Variants in FGF14 observed in about 807,000 individuals in gnomAD.
FGF14 encodes the protein fibroblast growth factor homologous factor 4.
A neutral mutation model predicts 25.5 loss-of-function variants in FGF14; 5 were observed. The ratio of observed to expected loss-of-function variants is 0.20; its 90% confidence interval spans 0.10 to 0.41. The LOEUF is 0.41. Among genes scored for constraint, FGF14 ranks in the 10% least tolerant of loss-of-function variants. The probability of loss-of-function intolerance (pLI) is 1.00; values close to 1 mark genes in which losing one functional copy is unlikely to be tolerated. For synonymous variants in FGF14, 138 were observed against 118.3 expected, an observed-to-expected ratio of 1.17 and a Z score of -1.08; for missense variants, 222 against 320.1, an observed-to-expected ratio of 0.69 and a Z score of 2.34.
At chr13:102,076,965 A>C (rs1260622280) in intron 1 of FGF14, among the ~76,000 whole-genome samples, 1 of 152,192 alleles carries the variant, frequency 6.6e-6, no homozygotes, top group African/African-American at 2.4e-5. Context: ...AATATAGAGC[A>C]TAGAAATAAA....
intron 1 of FGF14, among the ~76,000 whole-genome samples, chr13:101,897,825 C>T (rs1181240477): frequency 6.6e-6 from 1 of 152,176 alleles, no homozygotes; most frequent in Non-Finnish European, 1.5e-5. Flanking sequence ...ACTTCTTGAA[C>T]ACTGACATGA....
At chr13:101,751,366 TAA>T (rs2037262180) in intron 3 of FGF14, among the ~76,000 whole-genome samples, 1 of 152,146 alleles carries the variant, frequency 6.6e-6, no homozygotes, top group Non-Finnish European at 1.5e-5. Flanking sequence ...AAACTGCTTT[TAA>T]AAGTTTATTA....
intron 1 of FGF14, among the ~76,000 whole-genome samples, chr13:102,023,659 C>T (rs1158348750): frequency 6.6e-6 from 1 of 151,988 alleles, no homozygotes; most frequent in Non-Finnish European, 1.5e-5. Context: ...ATGAATTTGC[C>T]AATACTGGGC....
At chr13:101,908,535 C>A (rs2032525356) in intron 1 of FGF14, among the ~76,000 whole-genome samples, 1 of 151,840 alleles carries the variant, frequency 6.6e-6, no homozygotes. Flanking sequence ...AATAATTATC[C>A]AATTATTGGA....
intron 1 of FGF14, among the ~76,000 whole-genome samples, chr13:102,061,168 T>C (rs954366729): frequency 6.6e-6 from 1 of 152,178 alleles, no homozygotes; most frequent in African/African-American, 2.4e-5. Context: ...TGTGACCCGA[T>C]TTTTCCAGTA....
At chr13:101,947,637 A>T (rs1052014799) in intron 1 of FGF14, among the ~76,000 whole-genome samples, 1 of 152,210 alleles carries the variant, frequency 6.6e-6, no homozygotes, top group Non-Finnish European at 1.5e-5. Context: ...CTAACCATTG[A>T]GTACACATGG....
At chr13:101,826,544 A>C (rs1268027517) in intron 3 of FGF14, among the ~76,000 whole-genome samples, 2 of 152,050 alleles carry the variant, frequency 1.3e-5, no homozygotes. Flanking sequence ...TTTTCGTAAA[A>C]ATGTAGTATG....
At chr13:102,016,388 C>A (rs1594999274) in intron 1 of FGF14, among the ~76,000 whole-genome samples, 1 of 151,698 alleles carries the variant, frequency 6.6e-6, no homozygotes, top group African/African-American at 2.4e-5. Flanking sequence ...TTAAACAAGG[C>A]CACTTAGAAC....
At chr13:102,206,750 C>T (rs2049944437) in intron 1 of FGF14, among the ~76,000 whole-genome samples, 1 of 152,106 alleles carries the variant, frequency 6.6e-6, no homozygotes, top group Admixed American at 6.5e-5. Context: ...GATGAAAGAA[C>T]TGAGTGTGAA....
rs550200011 is a variant in FGF14 at position 101,877,875 on chromosome 13, T to C, written c.194-2579A>G. On this transcript the variant is annotated intron_variant, in intron 1 of 4. Coordinates refer to ENST00000376143, the MANE Select transcript of FGF14 (RefSeq NM_004115.4). ...AAAATTGCTAGTTCAGTACTATAAG[T>C]TTAAAACAAATGGGTTGCTCAATTC... Among the ~76,000 whole-genome samples, 6 of 152,294 alleles carry C rather than the reference T, an allele frequency of 3.9e-5. No individual in the cohort carries two copies. The South Asian group carries it at 1.2e-3, about 32-fold the overall frequency.
intron 1 of FGF14, among the ~76,000 whole-genome samples, chr13:101,885,865 C>T (rs1346655867): frequency 2.0e-5 from 3 of 152,160 alleles, no homozygotes; most frequent in Non-Finnish European, 4.4e-5. Flanking sequence ...AAATACCACA[C>T]TCAGGAACAC....
intron 3 of FGF14, among the ~76,000 whole-genome samples, chr13:101,812,900 CAG>C (rs1188074330): frequency 1.3e-5 from 2 of 151,730 alleles, no homozygotes; most frequent in Non-Finnish European, 2.9e-5. Context: ...CTCCTGACCT[CAG>C]GTGATCCACC....
chr13:101,843,887 C>T (rs1306771177), intron 3 of FGF14, among the ~76,000 whole-genome samples: 2 of 151,934 alleles, frequency 1.3e-5, no homozygotes, highest in Non-Finnish European at 2.9e-5. Context: ...ATGAGACCTA[C>T]AAATAGAACA....
intron 1 of FGF14, among the ~76,000 whole-genome samples, chr13:102,134,599 T>C (rs2140427072): frequency 6.6e-6 from 1 of 152,328 alleles, no homozygotes; most frequent in Admixed American, 6.5e-5. Context: ...AAGGTCACTG[T>C]GTAAACTGAC....
intron 1 of FGF14, among the ~76,000 whole-genome samples, chr13:101,942,015 T>C (rs1566470123): frequency 6.6e-6 from 1 of 152,364 alleles, no homozygotes; most frequent in East Asian, 1.9e-4. Context: ...TATGTTGTTT[T>C]CTTAGGTTTA....
intron 1 of FGF14, among the ~76,000 whole-genome samples, chr13:102,014,775 A>AT (rs1268611399): frequency 1.3e-5 from 2 of 152,086 alleles, no homozygotes; most frequent in Non-Finnish European, 2.9e-5. Flanking sequence ...TGACAAACTT[A>AT]TTTTTTTATA....
intron 1 of FGF14, among the ~76,000 whole-genome samples, chr13:102,090,059 A>G (rs2044096484): frequency 2.6e-5 from 4 of 152,186 alleles, no homozygotes; most frequent in South Asian, 2.1e-4. Context: ...TTAGCTTTAT[A>G]TGTGCAAAAT....
chr13:101,846,984 C>T (rs533185385), intron 3 of FGF14, among the ~76,000 whole-genome samples: 12 of 152,086 alleles, frequency 7.9e-5, no homozygotes, highest in East Asian at 5.8e-4. Context: ...AGCGGGTCCT[C>T]GATAAATTCC....
At chr13:101,905,576 T>C (rs1255909069) in intron 1 of FGF14, among the ~76,000 whole-genome samples, 5 of 151,964 alleles carry the variant, frequency 3.3e-5, no homozygotes, top group African/African-American at 4.8e-5. Flanking sequence ...AGGGGAGGGA[T>C]AGCATTAGGA....
Sources: gnomAD v4.1 joint callset for allele counts (sites outside exome capture counted in the v4.1 genomes callset) on GRCh38, gnomAD v4.1.1 for gene constraint, MANE v1.5 for transcripts, NCBI Gene and HGNC (gene_info 2026-07-23, HGNC 2026-07-21) for gene names.